The following MDGA2 variants were observed in gnomAD, a reference collection of about 807,000 sequenced individuals.
The protein encoded by MDGA2 is MAM domain containing glycosylphosphatidylinositol anchor 2.
Under a neutral mutation model 117.8 loss-of-function variants are expected in MDGA2, and 40 were observed. The ratio of observed to expected loss-of-function variants is 0.34; its 90% CI spans 0.26 to 0.44. The LOEUF (loss-of-function observed/expected upper bound fraction) is 0.44, where lower values mean the gene tolerates loss of function less well. Among genes scored for constraint, MDGA2 ranks in the 20% least tolerant of loss-of-function variants. MDGA2 has a pLI of 1.00. For synonymous variants in MDGA2, 452 were observed against 439.0 expected (o/e 1.03, Z -0.37); for missense variants, 1,123 against 1,250.6 (o/e 0.90, Z 1.54).
In MDGA2 at chr14:47,496,334, C is replaced by G. The variant is rs191830843; in HGVS notation, c.280+178183G>C. On this transcript the variant is annotated intron_variant, in intron 1 of 16. Coordinates refer to ENST00000399232, the MANE Select transcript of MDGA2 (RefSeq NM_001113498.3). Reference sequence around the variant, plus strand: ...CATGGTTCACTATAATGTCTAACTCCTAGTCTCCAACAATCCTACCACCTC... The same window carrying G: ...CATGGTTCACTATAATGTCTAACTCGTAGTCTCCAACAATCCTACCACCTC... Among the ~76,000 whole-genome samples the G allele has an allele frequency of 3.1e-3, 477 of 152,212 alleles. 2 individuals are homozygous for G. The highest frequency in any genetic ancestry group is 4.9e-3 in the Non-Finnish European group (335 of 68,008).
chr14:47,268,774 G>C (rs1888049593), intron 2 of MDGA2, among the ~76,000 whole-genome samples: 1 of 152,146 alleles, frequency 6.6e-6, no homozygotes, highest in African/African-American at 2.4e-5. Context: ...TGCAAACTAT[G>C]TCTGAAACAT....
rs548852166 is a variant in MDGA2, at chr14:47,500,391, A to G, written c.280+174126T>C. 7.9e-5 allele frequency among the ~76,000 whole-genome samples: 12 copies of G among 152,274 alleles called. No homozygotes were observed. The South Asian group carries it at 2.5e-3, about 32-fold the overall frequency. On this transcript the variant is annotated intron_variant, in intron 1 of 16. Transcript: ENST00000399232. ...TCAACACTACAAAAGAACAGAAAGA[A>G]AACTGGTCATGAAAAATATATACTG...
intron 16 of MDGA2, among the ~76,000 whole-genome samples, chr14:46,843,839 G>C (rs559495904): frequency 1.0e-3 from 157 of 152,228 alleles, no homozygotes; most frequent in African/African-American, 3.6e-3. Flanking sequence ...TCATGCTTTT[G>C]TATGTGCTAA....
At chr14:47,393,021 C>A (rs1452828927) in intron 1 of MDGA2, among the ~76,000 whole-genome samples, 2 of 151,528 alleles carry the variant, frequency 1.3e-5, no homozygotes, top group African/African-American at 4.8e-5. Context: ...AGTAATCTTC[C>A]AAAGTCTTAA....
chr14:47,308,710 ACAGGACT>A (rs1222304091), intron 1 of MDGA2, among the ~76,000 whole-genome samples: 1 of 151,594 alleles, frequency 6.6e-6, no homozygotes, highest in Non-Finnish European at 1.5e-5. Flanking sequence ...CCTCCCATCA[ACAGGACT>A]CCTCTTGTCT....
At chr14:47,389,589 AACACACACACACACACCCACACACAC>A (rs1335859205) in intron 1 of MDGA2, among the ~76,000 whole-genome samples, 3 of 130,476 alleles carry the variant, frequency 2.3e-5, no homozygotes, top group Non-Finnish European at 3.2e-5. Flanking sequence ...TTTGCAGGAA[AACACACACACACACACCCACACACAC>A]ACACACACAC....
At chr14:47,505,369 G>A (rs188369769) in intron 1 of MDGA2, among the ~76,000 whole-genome samples, 13 of 152,174 alleles carry the variant, frequency 8.5e-5, no homozygotes, top group South Asian at 2.1e-4. Flanking sequence ...TGTTCTCACC[G>A]CAAAAAAATA....
chr14:47,353,821 T>C (rs1890935833), intron 1 of MDGA2, among the ~76,000 whole-genome samples: 2 of 152,138 alleles, frequency 1.3e-5, no homozygotes, highest in Non-Finnish European at 2.9e-5. Flanking sequence ...ATCATTACCA[T>C]GATACCAAAG....
chr14:47,483,282 C>A (rs1230006259), intron 1 of MDGA2, among the ~76,000 whole-genome samples: 2 of 151,944 alleles, frequency 1.3e-5, no homozygotes, highest in Non-Finnish European at 1.5e-5. Flanking sequence ...TCAGATATTC[C>A]ATATTGTTCT....
At chr14:47,440,256 C>T (rs569687703) in intron 1 of MDGA2, among the ~76,000 whole-genome samples, 1 of 152,210 alleles carries the variant, frequency 6.6e-6, no homozygotes, top group African/African-American at 2.4e-5. Flanking sequence ...TGGGGCAGAC[C>T]TTAATGAGGA....
At chr14:46,991,633 A>G (rs1887097494) in intron 8 of MDGA2, among the ~76,000 whole-genome samples, 4 of 152,128 alleles carry the variant, frequency 2.6e-5, no homozygotes. Flanking sequence ...ACTTACAACA[A>G]TAGTTAATCA....
At chr14:47,028,594 AT>A (rs1476691275) in intron 8 of MDGA2, among the ~76,000 whole-genome samples, 4 of 152,158 alleles carry the variant, frequency 2.6e-5, no homozygotes, top group Admixed American at 2.0e-4. Flanking sequence ...GGAGCTATCA[AT>A]AAAGATCTTT....
In MDGA2 at chr14:47,035,249, T is replaced by C. The variant is rs1381393063; in HGVS notation, c.1581A>G (p.Gly527=). The C allele has an allele frequency of 2.5e-6, 4 of 1,614,142 alleles. No homozygotes were observed. The highest frequency in any genetic ancestry group is 3.4e-6 in the Non-Finnish European group (4 of 1,179,994). The part of the protein sequence containing the change: ...QEKSPLVTRE[G]DTIELQCQVT... ...CTTGACATTGCAGTTCTATTGTGTC[T>C]CCTTCTCTGGTGACCAATGGTGATT... The change falls in exon 8 of 17, where the codon GGA becomes GGG. Residue 527 remains glycine, a synonymous_variant. Coordinates refer to ENST00000399232, the MANE Select transcript of MDGA2 (RefSeq NM_001113498.3).
intron 1 of MDGA2, among the ~76,000 whole-genome samples, chr14:47,448,031 G>A (rs768092002): frequency 2.0e-5 from 3 of 152,066 alleles, no homozygotes; most frequent in Non-Finnish European, 4.4e-5. Context: ...AATTTTCTGG[G>A]TAATAGCAAT....
intron 10 of MDGA2, among the ~76,000 whole-genome samples, chr14:46,918,760 C>CTTTTTT (rs34958634): frequency 2.4e-5 from 3 of 124,808 alleles, no homozygotes; most frequent in African/African-American, 6.7e-5. Context: ...TACAGTGTAT[C>CTTTTTT]TTTTTTTTTT....
intron 1 of MDGA2, among the ~76,000 whole-genome samples, chr14:47,583,839 C>T (rs186837966): frequency 6.6e-6 from 1 of 151,732 alleles, no homozygotes; most frequent in Non-Finnish European, 1.5e-5. Flanking sequence ...AGAGCTTAGT[C>T]GTCCCTTTAG....
chr14:47,017,740 T>C (rs1888135889), intron 8 of MDGA2, among the ~76,000 whole-genome samples: 1 of 152,114 alleles, frequency 6.6e-6, no homozygotes, highest in Admixed American at 6.5e-5. Context: ...GTGAAAAATA[T>C]ATGTTCTCAA....
chr14:47,561,141 GTTTTTTTTTTTGTTTTGT>G (rs1895793955), intron 1 of MDGA2, among the ~76,000 whole-genome samples: 3 of 52,150 alleles, frequency 5.8e-5, no homozygotes, highest in African/African-American at 1.6e-4. Context: ...CTCTATCTTT[GTTTTTTTTTTTGTTTTGT>G]TTTGTTTTTT....
At chr14:47,064,064 A>G (rs1249458949) in intron 6 of MDGA2, among the ~76,000 whole-genome samples, 1 of 152,068 alleles carries the variant, frequency 6.6e-6, no homozygotes. Flanking sequence ...ATTTATTCAT[A>G]AAAACAACTT....
Sources: gnomAD v4.1 joint callset for allele counts (sites outside exome capture counted in the v4.1 genomes callset) on GRCh38, gnomAD v4.1.1 for gene constraint, MANE v1.5 for transcripts, NCBI Gene and HGNC (gene_info 2026-07-23, HGNC 2026-07-21) for gene names.